The following NCSTN variants were observed in gnomAD, a reference collection of about 807,000 sequenced individuals.
The protein encoded by NCSTN is nicastrin, also known as anterior pharynx-defective 2.
NCSTN carries 22 observed loss-of-function variants against 87.0 expected under a neutral mutation model. That is an observed-to-expected ratio of 0.25 (90% CI 0.18 to 0.36). The LOEUF (loss-of-function observed/expected upper bound fraction) is 0.36, where lower values mean the gene tolerates loss of function less well. Ranked by LOEUF, NCSTN falls within the 10% of genes least tolerant of loss-of-function variation. The pLI, the probability that NCSTN is intolerant of heterozygous loss-of-function variation, is 1.00. For missense variants in NCSTN, 693 were observed against 883.3 expected (o/e 0.78, Z 2.73); for synonymous variants, 306 against 327.1 (o/e 0.94, Z 0.69).
intron 1 of NCSTN, 91 bp from the exon 2 acceptor site, chr1:160,344,631 T>C (rs1255652100): frequency 6.4e-7 from 1 of 1,572,536 alleles, no homozygotes; most frequent in Admixed American, 1.9e-5. Flanking sequence ...TATTAAATGA[T>C]TTACCCAAGC....
chr1:160,355,882 C>T lies in NCSTN; in HGVS notation c.1475C>T (p.Thr492Met), dbSNP rs754621448. Residue 492 changes from threonine (T) to methionine (M), a missense_variant, in exon 13 of 17, where the codon ACG becomes ATG. Transcript: ENST00000294785. ...CCACAGGCCCTGGCAGATGTGGCCA[C>T]GGTGCTGGGACGTGCTCTGTATGAG... ...DTAKALADVA[T>M]VLGRALYELA... 3 of 1,614,032 alleles carry T rather than the reference C, an allele frequency of 1.9e-6. No individual in the cohort carries two copies. The highest frequency in any genetic ancestry group is 1.3e-5 in the African/African-American group (1 of 74,910).
At chr1:160,355,560 G>C in intron 11 of NCSTN, 95 bp from the exon 12 acceptor site, 2 of 884,736 alleles carry the variant, frequency 2.3e-6, no homozygotes, top group Non-Finnish European at 3.8e-6. Flanking sequence ...TGCTGAAAAT[G>C]AGATACTGAG....
intron 7 of NCSTN, 61 bp from the exon 8 acceptor site, chr1:160,351,993 A>C (rs1648875814): frequency 1.3e-6 from 2 of 1,590,242 alleles, no homozygotes; most frequent in Admixed American, 1.7e-5. Context: ...TGGAGCAAGA[A>C]AGGAGGTTTG....
At chr1:160,343,881 C>A in intron 1 of NCSTN, 1 of 420,542 alleles carries the variant, frequency 2.4e-6, no homozygotes. Flanking sequence ...CTGTGCGGCG[C>A]TTAAAAGGTG....
At chr1:160,353,500 A>G (rs745863854) in intron 10 of NCSTN, 77 of 1,360,598 alleles carry the variant, frequency 5.7e-5, no homozygotes, top group Non-Finnish European at 7.1e-5. Context: ...CATTAAGGAT[A>G]GGTGAGTGAC....
intron 13 of NCSTN, 113 bp downstream of exon 13, chr1:160,356,071 A>G (rs995529020): frequency 1.5e-5 from 17 of 1,135,324 alleles, no homozygotes; most frequent in Non-Finnish European, 2.1e-5. Context: ...GATGCCGGTG[A>G]GAATGCCTCA....
At chr1:160,356,945 G>T in intron 15 of NCSTN, 96 bp from the exon 16 acceptor site, 1 of 1,398,208 alleles carries the variant, frequency 7.2e-7, no homozygotes, top group Non-Finnish European at 1.0e-6. Context: ...CAGCCAGTTA[G>T]CTCAATTGGT....
chr1:160,353,113 A>G, intron 9 of NCSTN, 47 bp from the exon 10 acceptor site: 1 of 1,604,472 alleles, frequency 6.2e-7, no homozygotes, highest in Non-Finnish European at 8.5e-7. Flanking sequence ...GGCATGGCCC[A>G]GAACAGGAGA....
At position 160,344,795 on chromosome 1, in the gene NCSTN, G is replaced by C. The variant is rs145955020; in HGVS notation, c.159G>C (p.Leu53=). Residue 53 remains leucine (L), a synonymous_variant, in exon 2 of 17, where the codon CTG becomes CTC. Coordinates refer to ENST00000294785, the MANE Select transcript of NCSTN (RefSeq NM_015331.3). ...ATAAAACAGCTCCCTGTGTTCGCCT[G>C]CTCAACGCCACTCATCAGATTGGCT... ...PLNKTAPCVR[L]LNATHQIGCQ... The C allele has an allele frequency of 6.2e-7, 1 of 1,614,038 alleles. No homozygotes were observed. Among genetic ancestry groups the C allele is most frequent in the Non-Finnish European group, 8.5e-7 (1 of 1,179,970 alleles).
At chr1:160,345,292 A>G (rs1648409949) in intron 2 of NCSTN, 1 of 216,062 alleles carries the variant, frequency 4.6e-6, no homozygotes, top group Non-Finnish European at 9.5e-6. Flanking sequence ...TTCTAGGTTC[A>G]AGTGATTCTC....
In NCSTN at chr1:160,353,249, A is replaced by G. The variant is rs544552209; in HGVS notation, c.1179+12A>G. On this transcript the variant is annotated intron_variant, in intron 10 of 16. Transcript: ENST00000294785. ...CTGTACGGAACCAGGTAACCTGAGC[A>G]TCTCCCCTCATTTCCTATTCCTACA... is the stretch of plus-strand genomic sequence containing the variant. 2.5e-6 allele frequency: 4 copies of G among 1,613,872 alleles called. No individual in the cohort carries two copies. The highest frequency in any genetic ancestry group is 1.7e-5 in the Admixed American group (1 of 60,008).
chr1:160,350,720 A>G (rs1403751798), intron 5 of NCSTN, among the ~76,000 whole-genome samples: 1 of 152,122 alleles, frequency 6.6e-6, no homozygotes, highest in South Asian at 2.1e-4. Flanking sequence ...GTTAAAAAAA[A>G]AAGCATTGGA....
intron 3 of NCSTN, 74 bp downstream of exon 3, chr1:160,349,196 A>AG: frequency 6.3e-7 from 1 of 1,595,436 alleles, no homozygotes; most frequent in South Asian, 1.1e-5. Flanking sequence ...CACACTTATT[A>AG]GTGAAAACTT....
At position 160,352,054 on chromosome 1, in the gene NCSTN, C is replaced by G; in HGVS notation, c.844C>G (p.Leu282Val). 1 of 1,614,150 alleles carries G rather than the reference C, an allele frequency of 6.2e-7. No homozygotes were observed. Among genetic ancestry groups the G allele is most frequent in the East Asian group, 2.2e-5 (1 of 44,886 alleles). Residue 282 changes from leucine (L) to valine (V), a missense_variant and splice_region_variant, in exon 8 of 17, where the codon CTG (leucine) becomes GTG (valine). Leu to Val is a conservative substitution (Grantham distance 32). Coordinates refer to ENST00000294785, the MANE Select transcript of NCSTN (RefSeq NM_015331.3). ...CTGACTTTTCTTCTGTTGTACCTAG[C>G]TGGATAGTCGTTCCTTTTTCTGGAA... ...DDRVVVAATR[L>V]DSRSFFWNVA...
chr1:160,349,891 G>A (rs551781840), intron 4 of NCSTN, among the ~76,000 whole-genome samples: 14 of 152,132 alleles, frequency 9.2e-5, no homozygotes, highest in South Asian at 2.1e-4. Flanking sequence ...TTTTTGTCAC[G>A]TGTTCACATC....
chr1:160,343,434 G>C lies in NCSTN; in HGVS notation c.38G>C (p.Gly13Ala). 1.2e-6 allele frequency: 2 copies of C among 1,612,638 alleles called. No individual in the cohort carries two copies. Among genetic ancestry groups the C allele is most frequent in the Non-Finnish European group, 1.7e-6 (2 of 1,179,640 alleles). ...TAGGGSGADP[G>A]SRGLLRLLSF... ...GGGGGTGGCTCTGGGGCTGACCCGGGAAGTCGGGGTCTCCTTCGCCTTCTG... is the reference window on the plus strand; with the variant it reads ...GGGGGTGGCTCTGGGGCTGACCCGGCAAGTCGGGGTCTCCTTCGCCTTCTG... The change falls in exon 1 of 17, where the codon GGA (glycine) becomes GCA (alanine). Residue 13 changes from glycine (G) to alanine (A), a missense_variant. Physicochemically the swap from Gly to Ala is moderately conservative, Grantham distance 60 (BLOSUM62 0). Around this residue, in one of 4 missense-constraint regions of NCSTN, gnomAD observed 235 missense variants for 233.9 expected, o/e 1.00. Transcript: ENST00000294785.
chr1:160,356,056 C>T (rs1003892951), intron 13 of NCSTN, 98 bp downstream of exon 13: 1 of 1,213,680 alleles, frequency 8.2e-7, no homozygotes, highest in Admixed American at 1.9e-5. Context: ...TTCCACATGA[C>T]TGTTGATGCC....
chr1:160,357,861 T>A (rs184063893), intron 16 of NCSTN, among the ~76,000 whole-genome samples: 138 of 152,230 alleles, frequency 9.1e-4, no homozygotes, highest in Non-Finnish European at 1.3e-3. Flanking sequence ...CTGTCACAAG[T>A]CAGTAATGTA....
chr1:160,349,360 C>T (rs1648706622), intron 3 of NCSTN, 189 bp from the exon 4 acceptor site: 4 of 921,394 alleles, frequency 4.3e-6, no homozygotes, highest in Non-Finnish European at 6.9e-6. Flanking sequence ...TCCCTGGGGT[C>T]CTTACTCACT....
Sources: allele counts gnomAD v4.1 joint callset (sites outside exome capture counted in the v4.1 genomes callset), GRCh38; gene constraint gnomAD v4.1.1; regional missense constraint gnomAD v4.1.1; transcripts MANE v1.5; gene names NCBI Gene and HGNC (gene_info 2026-07-23, HGNC 2026-07-21).